The following GNA14 variants were observed in gnomAD, a reference collection of about 807,000 sequenced individuals.
GNA14 encodes the protein G protein subunit alpha 14.
In GNA14, 50 loss-of-function variants were observed where a neutral mutation model predicts 42.0. That is an observed-to-expected ratio of 1.19 (90% confidence interval 0.95 to 1.51). The LOEUF is 1.51. Among genes scored for constraint, GNA14 ranks in the 40% most tolerant of loss-of-function variants. The pLI, the probability that GNA14 is intolerant of heterozygous loss-of-function variation, is 0.00. For missense variants in GNA14, 473 were observed against 446.2 expected (o/e 1.06, Z -0.54); for synonymous variants, 173 against 163.1 (o/e 1.06, Z -0.46).
intron 1 of GNA14, among the ~76,000 whole-genome samples, chr9:77,641,475 C>T (rs1824267055): frequency 6.6e-6 from 1 of 151,310 alleles, no homozygotes; most frequent in Non-Finnish European, 1.5e-5. Context: ...CCGAGAAGGA[C>T]ACAACAGCAC....
intron 1 of GNA14, among the ~76,000 whole-genome samples, chr9:77,547,351 A>G (rs1404225803): frequency 6.6e-6 from 1 of 152,206 alleles, no homozygotes; most frequent in African/African-American, 2.4e-5. Context: ...ATCCTATTTG[A>G]TGTATCTTCA....
intron 1 of GNA14, among the ~76,000 whole-genome samples, chr9:77,623,987 C>T (rs768165026): frequency 6.6e-6 from 1 of 152,196 alleles, no homozygotes; most frequent in Non-Finnish European, 1.5e-5. Flanking sequence ...GGATCCCACC[C>T]TCATGGGGCC....
At chr9:77,569,698 T>C (rs1345737505) in intron 1 of GNA14, among the ~76,000 whole-genome samples, 1 of 152,096 alleles carries the variant, frequency 6.6e-6, no homozygotes, top group African/African-American at 2.4e-5. Flanking sequence ...TGTCTGCCCC[T>C]GTAAAGTGAA....
At chr9:77,519,897 C>T (rs1837323955) in intron 2 of GNA14, among the ~76,000 whole-genome samples, 1 of 152,088 alleles carries the variant, frequency 6.6e-6, no homozygotes, top group African/African-American at 2.4e-5. Flanking sequence ...GTAATCCCAG[C>T]TACTCGGGGG....
At chr9:77,595,846 CA>C (rs1165651529) in intron 1 of GNA14, among the ~76,000 whole-genome samples, 1 of 151,940 alleles carries the variant, frequency 6.6e-6, no homozygotes, top group East Asian at 1.9e-4. Flanking sequence ...GGGATGTTTT[CA>C]AAAAACAAGC....
intron 1 of GNA14, among the ~76,000 whole-genome samples, chr9:77,535,197 A>C (rs1008392666): frequency 1.1e-4 from 17 of 152,232 alleles, no homozygotes; most frequent in Non-Finnish European, 2.9e-5. Flanking sequence ...CCCATGCAGC[A>C]GGAGTTTCTG....
intron 2 of GNA14, among the ~76,000 whole-genome samples, chr9:77,511,095 G>A (rs901307699): frequency 2.0e-5 from 3 of 151,750 alleles, no homozygotes; most frequent in Non-Finnish European, 4.4e-5. Flanking sequence ...AATACAGAGG[G>A]GAGTAGAGGT....
chr9:77,504,958 G>A (rs559542167), intron 2 of GNA14, among the ~76,000 whole-genome samples: 63 of 152,166 alleles, frequency 4.1e-4, no homozygotes, highest in Middle Eastern at 3.4e-3. Context: ...ATGAGCCACC[G>A]TGCCCGGCCT....
At chr9:77,611,974 A>G (rs1359524383) in intron 1 of GNA14, among the ~76,000 whole-genome samples, 1 of 152,168 alleles carries the variant, frequency 6.6e-6, no homozygotes, top group Non-Finnish European at 1.5e-5. Context: ...GCAATGCACA[A>G]TTTAAGAAGC....
At chr9:77,523,951 C>T (rs1196303562) in intron 2 of GNA14, among the ~76,000 whole-genome samples, 5 of 152,160 alleles carry the variant, frequency 3.3e-5, no homozygotes, top group Non-Finnish European at 4.4e-5. Context: ...GTTCAAGAGA[C>T]TGCAAACAGC....
intron 1 of GNA14, among the ~76,000 whole-genome samples, chr9:77,531,534 C>T (rs1013205727): frequency 1.3e-5 from 2 of 152,160 alleles, no homozygotes; most frequent in Non-Finnish European, 2.9e-5. Context: ...GTCTCTTATT[C>T]CACCCGGCAG....
At chr9:77,508,989 GT>G (rs1837117225) in intron 2 of GNA14, among the ~76,000 whole-genome samples, 1 of 152,118 alleles carries the variant, frequency 6.6e-6, no homozygotes, top group African/African-American at 2.4e-5. Context: ...TAAGTGTACA[GT>G]TTAGGGCATT....
At chr9:77,524,662 T>G (rs1459966139) in intron 2 of GNA14, among the ~76,000 whole-genome samples, 3 of 152,206 alleles carry the variant, frequency 2.0e-5, no homozygotes, top group Non-Finnish European at 4.4e-5. Context: ...AGTTTATCAT[T>G]TTATGACCTA....
At chr9:77,443,277 A>C (rs1450884035) in intron 2 of GNA14, among the ~76,000 whole-genome samples, 1 of 152,236 alleles carries the variant, frequency 6.6e-6, no homozygotes, top group African/African-American at 2.4e-5. Context: ...TTATAAAAAT[A>C]CTTTTAAAAG....
rs11795077 is a variant in GNA14, at chr9:77,538,796, G to A, written c.125-9543C>T. On this transcript the variant is annotated intron_variant, in intron 1 of 6. Transcript: ENST00000341700. ...TGATTTTGTGTCCTATAACTTTAGG[G>A]AATGTATTTATCAAATCTAGGAGTT... Among the ~76,000 whole-genome samples the A allele has an allele frequency of 7.3e-3, 1,109 of 152,202 alleles. 7 individuals are homozygous for A. The highest frequency in any genetic ancestry group is 0.02 in the Middle Eastern group (6 of 294).
chr9:77,583,911 C>T (rs2117865932), intron 1 of GNA14, among the ~76,000 whole-genome samples: 1 of 152,242 alleles, frequency 6.6e-6, no homozygotes, highest in East Asian at 1.9e-4. Context: ...CAAAAGATGT[C>T]ACCCAAGGGA....
chr9:77,613,093 C>G (rs907814653), intron 1 of GNA14, among the ~76,000 whole-genome samples: 42 of 152,146 alleles, frequency 2.8e-4, no homozygotes, highest in African/African-American at 8.7e-4. Context: ...GAACGTTATG[C>G]TAAGTGAAAT....
intron 2 of GNA14, among the ~76,000 whole-genome samples, chr9:77,467,650 C>CT (rs3052383): frequency 0.093 from 12,911 of 139,538 alleles, 777 homozygotes; most frequent in Middle Eastern, 0.18. Flanking sequence ...CGGAGCTCTC[C>CT]TTTTTTTTTT....
intron 2 of GNA14, among the ~76,000 whole-genome samples, chr9:77,490,130 T>C (rs1339486442): frequency 2.0e-5 from 3 of 150,566 alleles, no homozygotes; most frequent in Admixed American, 6.6e-5. Context: ...CTGATTGGTG[T>C]ATTTACAATC....
Sources: gnomAD v4.1 joint callset for allele counts (sites outside exome capture counted in the v4.1 genomes callset) on GRCh38, gnomAD v4.1.1 for gene constraint, MANE v1.5 for transcripts, NCBI Gene and HGNC (gene_info 2026-07-23, HGNC 2026-07-21) for gene names.